IDUA: variants seen among roughly 807,000 people sequenced by gnomAD.
IDUA encodes iduronidase alpha-L-.
A neutral mutation model predicts 68.9 loss-of-function variants in IDUA; 65 were observed. That is an observed-to-expected ratio of 0.94 (90% CI 0.77 to 1.16). The LOEUF (loss-of-function observed/expected upper bound fraction) is 1.16, where lower values mean the gene tolerates loss of function less well. Among genes scored for constraint, IDUA ranks in the 50% most tolerant of loss-of-function variants. IDUA has a pLI of 0.00. For synonymous variants in IDUA, 529 were observed against 433.6 expected (o/e 1.22, Z -2.73); for missense variants, 1,046 against 938.0 (o/e 1.12, Z -1.50).
intron 2 of IDUA, chr4:992,325 CCACCCCTCTGT>C (rs373978436): frequency 1.9e-4 from 78 of 406,796 alleles, no homozygotes; most frequent in African/African-American, 1.5e-3. Flanking sequence ...ACACCTCCAC[CCACCCCTCTGT>C]CACCTGCCCT....
chr4:987,158 C>G lies in IDUA; in HGVS notation c.74C>G (p.Pro25Arg). ...CTCCTGGCCGCGCCCCCGGTGGCCC[C>G]GGCCGAGGCCCCGCACCTGGTGCAT... ...ASLLAAPPVAPAEAPHLVHVD... is the reference protein window; with the variant it reads ...ASLLAAPPVARAEAPHLVHVD... Residue 25 changes from proline to arginine, a missense_variant, in exon 1 of 14, where the codon CCG (proline) becomes CGG (arginine). Pro to Arg is a moderately radical substitution (Grantham distance 103, BLOSUM62 -2). Coordinates refer to ENST00000514224, the MANE Select transcript of IDUA (RefSeq NM_000203.5). 1 of 1,425,382 alleles carries G rather than the reference C, an allele frequency of 7.0e-7. No homozygotes were observed. The highest frequency in any genetic ancestry group is 2.8e-5 in the Admixed American group (1 of 35,686). 88.3% of individuals were successfully genotyped at this position (1,425,382 alleles called of 1,614,324 possible). A position where few individuals can be genotyped will look rare whatever the true frequency, so the allele number is the denominator to read the frequency against.
chr4:991,369 T>C lies in IDUA; in HGVS notation c.299+3420T>C, dbSNP rs769261621. 47 of 1,612,176 alleles carry C rather than the reference T, an allele frequency of 2.9e-5. No homozygotes were observed. Among genetic ancestry groups the C allele is most frequent in the Non-Finnish European group, 3.7e-5 (44 of 1,179,824 alleles). The stretch of plus-strand genomic sequence containing the variant: ...ATGCCGTGAGGTGCCCATGAGGAAG[T>C]AGATGAGGTTGGCGAAGAAGGACGT... On this transcript the variant is annotated intron_variant, in intron 2 of 13. Coordinates refer to ENST00000514224, the MANE Select transcript of IDUA (RefSeq NM_000203.5).
In IDUA at chr4:989,582, C is replaced by T. The variant is rs760755511; in HGVS notation, c.299+1633C>T. On this transcript the variant is annotated intron_variant, in intron 2 of 13. Transcript: ENST00000514224. ...GGGAGGTCCCACACCTTGCGCAGGG[C>T]CCCCCGCAGGCTGACCACGATGACG... 1.9e-6 allele frequency: 3 copies of T among 1,596,376 alleles called. No individual in the cohort carries two copies. Among genetic ancestry groups the T allele is most frequent in the Non-Finnish European group, 1.7e-6 (2 of 1,173,320 alleles).
In IDUA at chr4:987,942, A is replaced by C; in HGVS notation, c.292A>C (p.Thr98Pro). The change falls in exon 2 of 14, where the codon ACC becomes CCC. Residue 98 changes from threonine (T) to proline (P), a missense_variant. Coordinates refer to ENST00000514224, the MANE Select transcript of IDUA (RefSeq NM_000203.5). ...VRTHWLLELV[T>P]TRGSTGRGLS... ...GACCCACTGGCTGCTGGAGCTTGTCACCACCAGGTGGGCGGCGGGCAGGGT... is the reference window on the plus strand; with the variant it reads ...GACCCACTGGCTGCTGGAGCTTGTCCCCACCAGGTGGGCGGCGGGCAGGGT... 6.3e-7 allele frequency: 1 copy of C among 1,582,792 alleles called. No individual in the cohort carries two copies. The highest frequency in any genetic ancestry group is 8.6e-7 in the Non-Finnish European group (1 of 1,164,660).
chr4:1,002,620 T>G (rs1715165538), intron 8 of IDUA, 112 bp from the exon 9 acceptor site: 1 of 1,156,390 alleles, frequency 8.6e-7, no homozygotes, highest in Admixed American at 3.1e-5. Context: ...TGGCGGGGCC[T>G]GGGGACTCCT....
At chr4:991,615 A>C in intron 2 of IDUA, 1 of 1,590,196 alleles carries the variant, frequency 6.3e-7, no homozygotes. Flanking sequence ...GGCCTTCAGC[A>C]TCTCACGCAG....
At position 1,001,781 on chromosome 4, in the gene IDUA, C is replaced by T. The variant is rs933301757; in HGVS notation, c.692C>T (p.Ser231Phe). Reference sequence around the variant, plus strand: ...GACTCCTTCCACACCCCACCGCGATCCCCGCTGAGCTGGGGCCTCCTGCGC... The same window carrying T: ...GACTCCTTCCACACCCCACCGCGATTCCCGCTGAGCTGGGGCCTCCTGCGC... ...PGDSFHTPPRSPLSWGLLRHC... is the reference protein window; with the variant it reads ...PGDSFHTPPRFPLSWGLLRHC... Residue 231 changes from serine to phenylalanine, a missense_variant, in exon 6 of 14, where the codon TCC becomes TTC. Transcript: ENST00000514224. 11 of 1,602,918 alleles carry T rather than the reference C, an allele frequency of 6.9e-6. No individual in the cohort carries two copies. Among genetic ancestry groups the T allele is most frequent in the Non-Finnish European group, 9.3e-6 (11 of 1,177,874 alleles).
rs540887548 is a variant in IDUA at position 988,532 on chromosome 4, C to A, written c.299+583C>A. On this transcript the variant is annotated intron_variant, in intron 2 of 13. Transcript: ENST00000514224. Reference sequence around the variant, plus strand: ...ACCCTTGTTCAAATAAGATGTCAACCCTGAGCGTCAGGTCAGGCCCATCCC... The same window carrying A: ...ACCCTTGTTCAAATAAGATGTCAACACTGAGCGTCAGGTCAGGCCCATCCC... The A allele has an allele frequency of 2.5e-6, 3 of 1,220,960 alleles. No individual in the cohort carries two copies. In the East Asian group the frequency reaches 1.1e-4, roughly 46 times the overall value. 75.6% of individuals were successfully genotyped at this position (1,220,960 alleles called of 1,614,324 possible).
At chr4:988,162 TC>T (rs1713897110) in intron 2 of IDUA, 1 of 1,394,660 alleles carries the variant, frequency 7.2e-7, no homozygotes, top group Non-Finnish European at 9.3e-7. Flanking sequence ...CCTGCAGGTC[TC>T]CCTGCAGGCT....
Position 1,001,894 on chromosome 4 carries a change from C to T in IDUA, c.792+13C>T, listed in dbSNP as rs1560547269. 7 of 1,571,980 alleles carry T rather than the reference C, an allele frequency of 4.5e-6. No individual in the cohort carries two copies. The highest frequency in any genetic ancestry group is 1.3e-5 in the African/African-American group (1 of 74,306). On this transcript the variant is annotated intron_variant, in intron 6 of 13. Transcript: ENST00000514224. ...CCTCCACAGGAAGGTGCGCCCTGCC[C>T]CTCCGTCCGCCCCGGTGTTCTGCGC...
intron 2 of IDUA, among the ~76,000 whole-genome samples, chr4:998,784 C>CT (rs1165765595): frequency 1.1e-5 from 1 of 87,430 alleles, no homozygotes; most frequent in Non-Finnish European, 2.8e-5. Flanking sequence ...GACCCCCCGA[C>CT]CCCCCACCTC....
intron 2 of IDUA, among the ~76,000 whole-genome samples, chr4:994,822 C>A (rs1027578627): frequency 6.6e-6 from 1 of 151,966 alleles, no homozygotes; most frequent in African/African-American, 2.4e-5. Context: ...GCTACTCAAG[C>A]GGCTCAGGTG....
At position 1,002,789 on chromosome 4, in the gene IDUA, A is replaced by C. The variant is rs1419725967; in HGVS notation, c.1247A>C (p.His416Pro). Reference sequence around the variant, plus strand: ...GCCGGGACCGTCCTGGACAGCAACCACACGGTGGGCGTCCTGGCCAGCGCC... The same window carrying C: ...GCCGGGACCGTCCTGGACAGCAACCCCACGGTGGGCGTCCTGGCCAGCGCC... ...SQAGTVLDSN[H>P]TVGVLASAHR... is the part of the protein sequence containing the mutation. The change falls in exon 9 of 14, where the codon CAC (histidine) becomes CCC (proline). Residue 416 changes from histidine to proline, a missense_variant. By Grantham distance (77) the His-to-Pro change is moderately conservative. Coordinates refer to ENST00000514224, the MANE Select transcript of IDUA (RefSeq NM_000203.5). 42 of 1,467,356 alleles carry C rather than the reference A, an allele frequency of 2.9e-5. No individual in the cohort carries two copies. The highest frequency in any genetic ancestry group is 3.6e-5 in the Non-Finnish European group (40 of 1,115,376). The allele number at this position is 1,467,356 out of a possible 1,614,324, so 90.9% of individuals were successfully genotyped here.
At position 1,001,543 on chromosome 4, in the gene IDUA, A is replaced by G. The variant is rs1039051028; in HGVS notation, c.569A>G (p.Asn190Ser). The change falls in exon 5 of 14, where the codon AAC (asparagine) becomes AGC (serine). Residue 190 changes from asparagine (N) to serine (S), a missense_variant. Asn to Ser is a conservative substitution (Grantham distance 46). Transcript: ENST00000514224. ...WNEPDHHDFD[N>S]VSMTMQGFLN... ...GAGCCAGACCACCACGACTTTGACA[A>G]CGTCTCCATGACCATGCAAGGTGTG... is the stretch of plus-strand genomic sequence containing the variant. 2 of 1,613,064 alleles carry G rather than the reference A, an allele frequency of 1.2e-6. No individual in the cohort carries two copies. The highest frequency in any genetic ancestry group is 1.1e-5 in the South Asian group (1 of 91,070).
chr4:1,000,834 A>T, intron 3 of IDUA, 48 bp from the exon 4 acceptor site: 2 of 1,539,056 alleles, frequency 1.3e-6, no homozygotes, highest in Non-Finnish European at 1.8e-6. Context: ...CTGGCAGAGC[A>T]TGGGTGTGGT....
At chr4:997,494 G>A (rs1471147283) in intron 2 of IDUA, among the ~76,000 whole-genome samples, 1 of 151,350 alleles carries the variant, frequency 6.6e-6, no homozygotes, top group Admixed American at 6.6e-5. Context: ...CGGGCCCAGG[G>A]GCGGGGACGT....
Position 1,003,028 on chromosome 4 carries a change from C to A in IDUA, c.1403-8C>A. 1.4e-6 allele frequency: 2 copies of A among 1,481,200 alleles called. No homozygotes were observed. The highest frequency in any genetic ancestry group is 1.3e-5 in the South Asian group (1 of 76,464). The allele number at this position is 1,481,200 out of a possible 1,614,324, so 91.8% of individuals were successfully genotyped here. On this transcript the variant is annotated splice_polypyrimidine_tract_variant and splice_region_variant and intron_variant, in intron 9 of 13. Transcript: ENST00000514224. ...GGGGAGCCGAGGCCTGAGTGTCAGG[C>A]CCCGCAGGCCTGGTCTACGTCACGC...
intron 2 of IDUA, chr4:991,629 C>T (rs1223955127): frequency 1.9e-6 from 3 of 1,577,158 alleles, no homozygotes; most frequent in Non-Finnish European, 2.6e-6. Flanking sequence ...CACGCAGACC[C>T]CGGGGTGCTG....
At position 1,003,575 on chromosome 4, in the gene IDUA, G is replaced by C. The variant is rs1371407636; in HGVS notation, c.1677G>C (p.Leu559=). The C allele has an allele frequency of 1.2e-6, 2 of 1,612,184 alleles. No individual in the cohort carries two copies. Among genetic ancestry groups the C allele is most frequent in the Admixed American group, 1.7e-5 (1 of 60,008 alleles). The change falls in exon 12 of 14, where the codon CTG becomes CTC. Residue 559 remains leucine, a synonymous_variant. Coordinates refer to ENST00000514224, the MANE Select transcript of IDUA (RefSeq NM_000203.5). The stretch of plus-strand genomic sequence containing the variant: ...TCACGCGGCTCCGCGCCCTGCCCCT[G>C]ACCCAAGGGCAGCTGGTTCTGGTCT... The part of the protein sequence containing the change: ...GQVTRLRALP[L]TQGQLVLVWS...
Sources: allele counts gnomAD v4.1 joint callset (sites outside exome capture counted in the v4.1 genomes callset), GRCh38; gene constraint gnomAD v4.1.1; transcripts MANE v1.5; gene names NCBI Gene and HGNC (gene_info 2026-07-23, HGNC 2026-07-21).